The following TMF1 variants were observed in gnomAD, a reference collection of about 807,000 sequenced individuals.
TMF1 encodes TATA element modulatory factor 1.
In TMF1, 71 loss-of-function variants were observed where a neutral mutation model predicts 126.5. The observed-to-expected ratio is 0.56, with a 90% CI of 0.46 to 0.68. The LOEUF is 0.68. TMF1 is among the 30% of genes least tolerant of loss of function. TMF1 has a pLI of 0.00. For missense variants in TMF1, 1,259 were observed against 1,253.2 expected (o/e 1.00, Z -0.07); for synonymous variants, 461 against 430.5 (o/e 1.07, Z -0.88).
At position 69,047,695 on chromosome 3, in the gene TMF1, C is replaced by T. The variant is rs1354655478; in HGVS notation, c.1010G>A (p.Arg337Gln). 54 of 1,614,044 alleles carry T rather than the reference C, an allele frequency of 3.3e-5. No individual in the cohort carries two copies. The highest frequency in any genetic ancestry group is 1.6e-4 in the Middle Eastern group (1 of 6,062). The part of the protein sequence containing the change: ...DSFSVQSLDS[R>Q]SVSEINSDDE... ...ATCTGAATTGATTTCACTTACACTC[C>T]GGCTATCTAATGACTGTACACTAAA... Residue 337 changes from arginine (R) to glutamine (Q), a missense_variant, in exon 2 of 17, where the codon CGG (arginine) becomes CAG (glutamine). Physicochemically the swap from Arg to Gln is conservative, Grantham distance 43. Coordinates refer to ENST00000398559, the MANE Select transcript of TMF1 (RefSeq NM_007114.3).
In TMF1 at chr3:69,047,960, A is replaced by C; in HGVS notation, c.745T>G (p.Phe249Val). ...CTGGTGGTAGAAGTACCTGATGAAA[A>C]GGTACTAACAGGAGGAGAAGGTGTA... ...SNTPSPPVST[F>V]SSGTSTTSDI... Residue 249 changes from phenylalanine (F) to valine (V), a missense_variant, in exon 2 of 17, where the codon TTT becomes GTT. Phe to Val is a conservative substitution (Grantham distance 50). Transcript: ENST00000398559. 1 of 1,613,858 alleles carries C rather than the reference A, an allele frequency of 6.2e-7. No individual in the cohort carries two copies. Among genetic ancestry groups the C allele is most frequent in the Non-Finnish European group, 8.5e-7 (1 of 1,180,034 alleles).
Position 69,044,526 on chromosome 3 carries a change from C to T in TMF1, c.1417G>A (p.Ala473Thr). ...AQLLSLSKEK[A>T]LLEEAFDNLK... ...TTATCAAAAGCTTCTTCTAGAAGTG[C>T]TTTTTCCTTACTAAGAGATAATAAC... Residue 473 changes from alanine (A) to threonine (T), a missense_variant, in exon 3 of 17, where the codon GCA (alanine) becomes ACA (threonine). Transcript: ENST00000398559. The T allele has an allele frequency of 6.2e-7, 1 of 1,601,936 alleles. No individual in the cohort carries two copies. The highest frequency in any genetic ancestry group is 8.5e-7 in the Non-Finnish European group (1 of 1,176,564).
At chr3:69,033,811 G>T in intron 9 of TMF1, 107 bp from the exon 10 acceptor site, 1 of 1,055,860 alleles carries the variant, frequency 9.5e-7, no homozygotes. Context: ...TTTTCCAAGA[G>T]AAAATAATTT....
intron 2 of TMF1, among the ~76,000 whole-genome samples, chr3:69,044,853 G>A (rs1169297531): frequency 1.3e-5 from 2 of 152,162 alleles, no homozygotes; most frequent in Admixed American, 6.5e-5. Flanking sequence ...ATATCTAGTT[G>A]GGGATCTACA....
Position 69,052,113 on chromosome 3 carries a change from C to T in TMF1, c.-27G>A, listed in dbSNP as rs1331879811. On this transcript the variant is annotated 5_prime_UTR_variant, in exon 1 of 17. Coordinates refer to ENST00000398559, the MANE Select transcript of TMF1 (RefSeq NM_007114.3). ...GCCCCTCCTCAGCCGGCAGTGGCGG[C>T]GGCAGCACCAAGCGGGAAGGCCTCA... 1.3e-6 allele frequency: 2 copies of T among 1,595,208 alleles called. No homozygotes were observed.
Position 69,052,192 on chromosome 3 carries a change from G to T in TMF1, c.-106C>A. On this transcript the variant is annotated 5_prime_UTR_variant, in exon 1 of 17. Transcript: ENST00000398559. Reference sequence around the variant, plus strand: ...TTCGCTCCCCTTTTCCACTCGGCTGGTTCTGTCAGCGTGTGGCCATTACCC... The same window carrying T: ...TTCGCTCCCCTTTTCCACTCGGCTGTTTCTGTCAGCGTGTGGCCATTACCC... The T allele has an allele frequency of 7.6e-7, 1 of 1,316,314 alleles. No individual in the cohort carries two copies. The highest frequency in any genetic ancestry group is 1.0e-6 in the Non-Finnish European group (1 of 982,286). The allele number at this position is 1,316,314 out of a possible 1,614,324, so 81.5% of individuals were successfully genotyped here.
chr3:69,033,607 G>A lies in TMF1; in HGVS notation c.2342C>T (p.Thr781Ile), dbSNP rs1372017512. 6 of 1,613,818 alleles carry A rather than the reference G, an allele frequency of 3.7e-6. No homozygotes were observed. Among genetic ancestry groups the A allele is most frequent in the Non-Finnish European group, 5.1e-6 (6 of 1,180,000 alleles). The part of the protein sequence containing the change: ...LLRQIENLQA[T>I]LGSQTSSWEK... Reference sequence around the variant, plus strand: ...CCACGACGATGTCTGGGATCCCAGGGTTGCTTGCAAATTTTCTATTTGTCG... The same window carrying A: ...CCACGACGATGTCTGGGATCCCAGGATTGCTTGCAAATTTTCTATTTGTCG... The change falls in exon 10 of 17, where the codon ACC (threonine) becomes ATC (isoleucine). Residue 781 changes from threonine to isoleucine, a missense_variant. By Grantham distance (89) the Thr-to-Ile change is moderately conservative. Transcript: ENST00000398559.
intron 12 of TMF1, 51 bp downstream of exon 12, chr3:69,028,175 A>G (rs1250149171): frequency 2.0e-6 from 3 of 1,495,582 alleles, no homozygotes; most frequent in South Asian, 1.1e-5. Flanking sequence ...GCCATCCCCA[A>G]CCATTCTCTA....
intron 10 of TMF1, among the ~76,000 whole-genome samples, chr3:69,032,549 T>C (rs1419480824): frequency 6.6e-6 from 1 of 152,186 alleles, no homozygotes; most frequent in African/African-American, 2.4e-5. Flanking sequence ...ATAATACTTT[T>C]CTTTTTATTA....
At chr3:69,023,572 A>T (rs2091750904) in intron 16 of TMF1, among the ~76,000 whole-genome samples, 1 of 152,090 alleles carries the variant, frequency 6.6e-6, no homozygotes, top group Non-Finnish European at 1.5e-5. Flanking sequence ...TTCTCCCCAT[A>T]TATGACTTCT....
In TMF1 at chr3:69,023,391, G is replaced by A. The variant is rs1033126493; in HGVS notation, c.3139-71C>T. 5 of 1,262,836 alleles carry A rather than the reference G, an allele frequency of 4.0e-6. No homozygotes were observed. The Admixed American group carries it at 1.0e-4, about 26-fold the overall frequency. 78.2% of individuals were successfully genotyped at this position (1,262,836 alleles called of 1,614,324 possible). Reference sequence around the variant, plus strand: ...CATCTTTAATATTTATATTGCCATAGGAGTCAACAATGAAAACACTACAAT... The same window carrying A: ...CATCTTTAATATTTATATTGCCATAAGAGTCAACAATGAAAACACTACAAT... On this transcript the variant is annotated intron_variant, in intron 16 of 16. Transcript: ENST00000398559.
chr3:69,042,193 C>T (rs969471197), intron 5 of TMF1, among the ~76,000 whole-genome samples: 1 of 151,946 alleles, frequency 6.6e-6, no homozygotes, highest in Non-Finnish European at 1.5e-5. Context: ...CGCACCACCA[C>T]CACCCGGCTA....
intron 11 of TMF1, among the ~76,000 whole-genome samples, chr3:69,028,936 C>T (rs184334135): frequency 2.0e-3 from 301 of 151,968 alleles, no homozygotes; most frequent in Admixed American, 4.3e-3. Flanking sequence ...CAAATCCTTT[C>T]CCTGGAAAAA....
At chr3:69,028,108 C>T (rs1018255097) in intron 12 of TMF1, 116 bp from the exon 13 acceptor site, 18 of 1,142,220 alleles carry the variant, frequency 1.6e-5, no homozygotes, top group African/African-American at 3.1e-5. Context: ...CTACTAAAGA[C>T]CAAGTTCCAA....
At chr3:69,044,395 A>T (rs1575818634) in intron 3 of TMF1, 97 bp downstream of exon 3, 1 of 642,458 alleles carries the variant, frequency 1.6e-6, no homozygotes, top group East Asian at 3.0e-5. Flanking sequence ...TGATAAAATT[A>T]CAAAACATTT....
chr3:69,045,028 G>A (rs1452688728), intron 2 of TMF1, among the ~76,000 whole-genome samples: 1 of 152,238 alleles, frequency 6.6e-6, no homozygotes, highest in Non-Finnish European at 1.5e-5. Context: ...GGAGATGGAT[G>A]CAATCAAAAG....
At chr3:69,040,525 A>G (rs755105455) in intron 5 of TMF1, 5 of 152,244 alleles carry the variant, frequency 3.3e-5, no homozygotes, top group Non-Finnish European at 7.3e-5. Flanking sequence ...AAGATATGGA[A>G]GAGTTGTGGC....
chr3:69,028,368 A>G (rs1235981783), intron 11 of TMF1, 73 bp from the exon 12 acceptor site: 1 of 905,784 alleles, frequency 1.1e-6, no homozygotes, highest in Non-Finnish European at 1.7e-6. Context: ...AAAACTCAGT[A>G]CTTTATTAAC....
In TMF1 at chr3:69,021,296, TG is replaced by T. The variant is rs905631662; in HGVS notation, c.*1880del. ...ACTATCCATGGTTTCAGACGTTCACTGGGGGTCTTGGAACGTATGTCCCATG... is the reference window on the plus strand; with the variant it reads ...ACTATCCATGGTTTCAGACGTTCACTGGGGTCTTGGAACGTATGTCCCATG... On this transcript the variant is annotated 3_prime_UTR_variant, in exon 17 of 17. Transcript: ENST00000398559. 1.3e-5 allele frequency: 2 copies of T among 152,622 alleles called. No individual in the cohort carries two copies. Among genetic ancestry groups the T allele is most frequent in the Non-Finnish European group, 2.9e-5 (2 of 68,046 alleles). The allele number at this position is 152,622 out of a possible 1,614,324, so 9.5% of individuals were successfully genotyped here. A position where few individuals can be genotyped will look rare whatever the true frequency, so the allele number is the denominator to read the frequency against.
Sources: gnomAD v4.1 joint callset for allele counts (sites outside exome capture counted in the v4.1 genomes callset) on GRCh38, gnomAD v4.1.1 for gene constraint, MANE v1.5 for transcripts, NCBI Gene and HGNC (gene_info 2026-07-23, HGNC 2026-07-21) for gene names.